Variants in TEX261 observed in about 807,000 individuals in gnomAD.
TEX261 encodes testis expressed 261.
In TEX261, 13 loss-of-function variants were observed where a neutral mutation model predicts 25.1. The ratio of observed to expected loss-of-function variants is 0.52; its 90% CI spans 0.34 to 0.82. TEX261 has a LOEUF of 0.82. TEX261 is among the 40% of genes least tolerant of loss of function. The pLI is 0.02. For synonymous variants in TEX261, 92 were observed against 97.8 expected (o/e 0.94, Z 0.35); for missense variants, 206 against 243.2 (o/e 0.85, Z 1.02).
In TEX261 at chr2:70,988,995, C is replaced by G; in HGVS notation, c.395G>C (p.Cys132Ser). Residue 132 changes from cysteine to serine, a missense_variant, in exon 5 of 6, where the codon TGC becomes TCC. Physicochemically the swap from Cys to Ser is moderately radical, Grantham distance 112 (BLOSUM62 -1). Coordinates refer to ENST00000272438, the MANE Select transcript of TEX261 (RefSeq NM_144582.3). Reference protein sequence around the residue: ...FSEVLAYFTFCLWIIPFAFFV... With the variant: ...FSEVLAYFTFSLWIIPFAFFV... Reference sequence around the variant, plus strand: ...AAACGCAAACGGAATTATCCACAGGCAGAAAGTGAAATAGGCCAGGACCTG... The same window carrying G: ...AAACGCAAACGGAATTATCCACAGGGAGAAAGTGAAATAGGCCAGGACCTG... 1 of 1,613,884 alleles carries G rather than the reference C, an allele frequency of 6.2e-7. No homozygotes were observed. The highest frequency in any genetic ancestry group is 8.5e-7 in the Non-Finnish European group (1 of 1,179,924).
rs1656190996 is a variant in TEX261 at position 70,991,898 on chromosome 2, A to G, written c.236T>C (p.Val79Ala). Reference protein sequence around the residue: ...MIGVGLFTNLVYFGLLQTFPF... With the variant: ...MIGVGLFTNLAYFGLLQTFPF... Reference sequence around the variant, plus strand: ...GAAGGTCTGGAGGAGGCCAAAGTAGACGAGGTTGGTGAATAGGCCCACTCC... The same window carrying G: ...GAAGGTCTGGAGGAGGCCAAAGTAGGCGAGGTTGGTGAATAGGCCCACTCC... The change falls in exon 3 of 6, where the codon GTC (valine) becomes GCC (alanine). Residue 79 changes from valine to alanine, a missense_variant. Coordinates refer to ENST00000272438, the MANE Select transcript of TEX261 (RefSeq NM_144582.3). 2 of 1,613,998 alleles carry G rather than the reference A, an allele frequency of 1.2e-6. No homozygotes were observed. Among genetic ancestry groups the G allele is most frequent in the Non-Finnish European group, 1.7e-6 (2 of 1,179,974 alleles).
At chr2:70,991,321 C>G (rs985593334) in intron 3 of TEX261, among the ~76,000 whole-genome samples, 2 of 152,188 alleles carry the variant, frequency 1.3e-5, no homozygotes, top group Non-Finnish European at 1.5e-5. Context: ...GGCTCAAGCC[C>G]GAGGCAGCGG....
chr2:70,994,722 G>C lies in TEX261; in HGVS notation c.36C>G (p.Leu12=), dbSNP rs1553426050. The change falls in exon 1 of 6, where the codon CTC becomes CTG. Residue 12 remains leucine (L), a synonymous_variant. Coordinates refer to ENST00000272438, the MANE Select transcript of TEX261 (RefSeq NM_144582.3). ...GCGTGATGAAGGCCACCTGGATGAA[G>C]AGCGACAGCCAGCTCAGCAGGTACA... ...WFMYLLSWLS[L]FIQVAFITLA... 5 of 1,606,610 alleles carry C rather than the reference G, an allele frequency of 3.1e-6. No homozygotes were observed. The highest frequency in any genetic ancestry group is 1.3e-5 in the African/African-American group (1 of 74,638).
intron 2 of TEX261, among the ~76,000 whole-genome samples, chr2:70,992,214 C>T (rs1670315882): frequency 6.6e-6 from 1 of 150,986 alleles, no homozygotes; most frequent in African/African-American, 2.4e-5. Flanking sequence ...GGCGCGATCT[C>T]CTGGATTCAA....
Position 70,993,786 on chromosome 2 carries a change from G to A in TEX261, c.71-11C>T, listed in dbSNP as rs113992471. On this transcript the variant is annotated splice_polypyrimidine_tract_variant and intron_variant, in intron 1 of 5. Coordinates refer to ENST00000272438, the MANE Select transcript of TEX261 (RefSeq NM_144582.3). ...AATAGAGTCCAGCCGCTGCAGGGTG[G>A]GAGGCAGGGAGACTATCAGCCAGGG... The A allele has an allele frequency of 5.0e-5, 81 of 1,609,564 alleles. No homozygotes were observed. In the African/African-American group the frequency reaches 9.2e-4, roughly 18 times the overall value.
chr2:70,991,900 G>A lies in TEX261; in HGVS notation c.234C>T (p.Leu78=), dbSNP rs201927886. 1.6e-5 allele frequency: 26 copies of A among 1,613,994 alleles called. No homozygotes were observed. The highest frequency in any genetic ancestry group is 2.2e-5 in the East Asian group (1 of 44,868). ...SMIGVGLFTN[L]VYFGLLQTFP... is the part of the protein sequence containing the mutation. Reference sequence around the variant, plus strand: ...AGGTCTGGAGGAGGCCAAAGTAGACGAGGTTGGTGAATAGGCCCACTCCAA... The same window carrying A: ...AGGTCTGGAGGAGGCCAAAGTAGACAAGGTTGGTGAATAGGCCCACTCCAA... Residue 78 remains leucine, a synonymous_variant, in exon 3 of 6, where the codon CTC becomes CTT. Coordinates refer to ENST00000272438, the MANE Select transcript of TEX261 (RefSeq NM_144582.3).
At chr2:70,989,093 G>T in intron 4 of TEX261, 76 bp from the exon 5 acceptor site, 1 of 1,287,404 alleles carries the variant, frequency 7.8e-7, no homozygotes, top group South Asian at 1.3e-5. Context: ...CTGCGTGTTG[G>T]TCAAGAGTGC....
In TEX261 at chr2:70,986,726, G is replaced by C. The variant is rs1265563449; in HGVS notation, c.*1874C>G. ...TGGACCTGAATTGTCTGTGCACCTA[G>C]AGGGCAGCAAAACTGTGGTTCAGGT... On this transcript the variant is annotated 3_prime_UTR_variant, in exon 6 of 6. Coordinates refer to ENST00000272438, the MANE Select transcript of TEX261 (RefSeq NM_144582.3). 1.3e-5 allele frequency: 2 copies of C among 152,688 alleles called. No individual in the cohort carries two copies. Among genetic ancestry groups the C allele is most frequent in the Admixed American group, 6.5e-5 (1 of 15,284 alleles). The allele number at this position is 152,688 out of a possible 1,614,324, so 9.5% of individuals were successfully genotyped here.
chr2:70,993,662 G>A, intron 2 of TEX261, 34 bp downstream of exon 2: 1 of 1,568,550 alleles, frequency 6.4e-7, no homozygotes, highest in Non-Finnish European at 8.8e-7. Flanking sequence ...GGGCAAAAGA[G>A]TGAGGAGGAC....
Position 70,987,666 on chromosome 2 carries a change from C to G in TEX261, c.*934G>C, listed in dbSNP as rs557609122. ...GCTCTTAGAGTGACAAACAGCTTCT[C>G]CCATTAGTCCCATTTCTTTAAAAAC... On this transcript the variant is annotated 3_prime_UTR_variant, in exon 6 of 6. Transcript: ENST00000272438. The G allele has an allele frequency of 2.6e-4, 40 of 152,552 alleles. No homozygotes were observed. The highest frequency in any genetic ancestry group is 2.1e-3 in the Admixed American group (32 of 15,306). 9.4% of individuals were successfully genotyped at this position (152,552 alleles called of 1,614,324 possible).
intron 3 of TEX261, 44 bp downstream of exon 3, chr2:70,991,786 C>T (rs1553425643): frequency 1.2e-6 from 2 of 1,602,610 alleles, no homozygotes; most frequent in Non-Finnish European, 1.7e-6. Context: ...GAGATGGGCA[C>T]ACCCAACCAC....
chr2:70,989,305 T>C (rs1185806230), intron 4 of TEX261: 2 of 500,002 alleles, frequency 4.0e-6, no homozygotes, highest in African/African-American at 1.9e-5. Context: ...CATGACTGAC[T>C]GACCCACACC....
intron 2 of TEX261, among the ~76,000 whole-genome samples, chr2:70,992,573 T>C (rs1366259967): frequency 6.6e-6 from 1 of 151,988 alleles, no homozygotes; most frequent in Non-Finnish European, 1.5e-5. Context: ...CTACTAAAAA[T>C]ACAAAATTAG....
At chr2:70,989,959 A>G in intron 3 of TEX261, 143 bp from the exon 4 acceptor site, 1 of 646,190 alleles carries the variant, frequency 1.5e-6, no homozygotes, top group Non-Finnish European at 2.8e-6. Context: ...GCTACTGCCT[A>G]GAACCGTTTC....
At position 70,988,485 on chromosome 2, in the gene TEX261, G is replaced by T; in HGVS notation, c.*115C>A. 1 of 781,358 alleles carries T rather than the reference G, an allele frequency of 1.3e-6. No homozygotes were observed. Among genetic ancestry groups the T allele is most frequent in the Non-Finnish European group, 2.2e-6 (1 of 455,172 alleles). The allele number at this position is 781,358 out of a possible 1,614,324, so 48.4% of individuals were successfully genotyped here. On this transcript the variant is annotated 3_prime_UTR_variant, in exon 6 of 6. Transcript: ENST00000272438. ...GGGGATGGGGCTCCAGAGTTGAGGG[G>T]AAGAAAGCCAGGGCAGGTGGTAGGT...
At chr2:70,993,147 C>A (rs1267116856) in intron 2 of TEX261, among the ~76,000 whole-genome samples, 2 of 152,234 alleles carry the variant, frequency 1.3e-5, no homozygotes, top group South Asian at 4.1e-4. Context: ...GCCTTTCCTG[C>A]AGCTGAAGGA....
At chr2:70,994,085 C>T (rs1271405744) in intron 1 of TEX261, among the ~76,000 whole-genome samples, 1 of 152,252 alleles carries the variant, frequency 6.6e-6, no homozygotes, top group African/African-American at 2.4e-5. Flanking sequence ...GAGCCAGGTC[C>T]CTGGGCTGAG....
chr2:70,994,829 GCCA>G lies in TEX261; in HGVS notation c.-75_-73del. ...GCTTCGGCTCCGGCGACACACAGCC[GCCA>G]CCGCCGCCGCCGCCGCCGCGTCCCC... On this transcript the variant is annotated 5_prime_UTR_variant, in exon 1 of 6. Transcript: ENST00000272438. 2 of 1,282,724 alleles carry G rather than the reference GCCA, an allele frequency of 1.6e-6. No individual in the cohort carries two copies. The highest frequency in any genetic ancestry group is 1.6e-5 in the African/African-American group (1 of 62,100). The allele number at this position is 1,282,724 out of a possible 1,614,324, so 79.5% of individuals were successfully genotyped here.
rs1330159113 is a variant in TEX261 at position 70,986,516 on chromosome 2, T to A, written c.*2084A>T. 1.3e-5 allele frequency: 2 copies of A among 152,554 alleles called. No homozygotes were observed. The highest frequency in any genetic ancestry group is 1.3e-4 in the Admixed American group (2 of 15,266). 9.5% of individuals were successfully genotyped at this position (152,554 alleles called of 1,614,324 possible). A position where few individuals can be genotyped will look rare whatever the true frequency, so the allele number is the denominator to read the frequency against. On this transcript the variant is annotated 3_prime_UTR_variant, in exon 6 of 6. Transcript: ENST00000272438. ...TAATCCAGGTGAAAGCTGATGACAG[T>A]GGGAGTGGCTCAAATCAAGAGATGT...
Sources: gnomAD v4.1 joint callset for allele counts (sites outside exome capture counted in the v4.1 genomes callset) on GRCh38, gnomAD v4.1.1 for gene constraint, MANE v1.5 for transcripts, NCBI Gene and HGNC (gene_info 2026-07-23, HGNC 2026-07-21) for gene names.